The following HERC5 variants were observed in gnomAD, a reference collection of about 807,000 sequenced individuals.
The protein encoded by HERC5 is HECT and RLD domain containing E3 ubiquitin protein ligase 5, also known as E3 ISG15--protein ligase HERC5.
Under a neutral mutation model 119.6 loss-of-function variants are expected in HERC5, and 99 were observed. The observed-to-expected ratio is 0.83, with a 90% CI of 0.70 to 0.98. HERC5 has a LOEUF of 0.98. Among genes scored for constraint, HERC5 ranks in the 50% least tolerant of loss-of-function variants. The pLI is 0.00. For synonymous variants in HERC5, 478 were observed against 445.9 expected (o/e 1.07, Z -0.91); for missense variants, 1,267 against 1,241.3 (o/e 1.02, Z -0.31).
intron 15 of HERC5, among the ~76,000 whole-genome samples, chr4:88,488,456 TC>T (rs1741536840): frequency 6.6e-6 from 1 of 152,062 alleles, no homozygotes; most frequent in African/African-American, 2.4e-5. Flanking sequence ...GGTCTCAAAC[TC>T]CTGACCTCAA....
chr4:88,492,210 G>C, intron 16 of HERC5, among the ~76,000 whole-genome samples: 1 of 151,518 alleles, frequency 6.6e-6, no homozygotes, highest in Non-Finnish European at 1.5e-5. Flanking sequence ...CACCATGTTG[G>C]CCAGACTGGT....
At chr4:88,471,845 TCTTC>T (rs951737668) in intron 10 of HERC5, among the ~76,000 whole-genome samples, 23 of 152,066 alleles carry the variant, frequency 1.5e-4, no homozygotes, top group African/African-American at 4.8e-4. Context: ...CTTTTTTCTG[TCTTC>T]CTTCCTTCCT....
At chr4:88,477,835 T>C (rs1741138290) in intron 12 of HERC5, among the ~76,000 whole-genome samples, 1 of 152,248 alleles carries the variant, frequency 6.6e-6, no homozygotes, top group South Asian at 2.1e-4. Flanking sequence ...ACATGATAAG[T>C]GATGAAAAGC....
Position 88,496,760 on chromosome 4 carries a change from G to T in HERC5, c.2444+2429G>T, listed in dbSNP as rs182188138. Reference sequence around the variant, plus strand: ...TGCAGTGTACCAACAGTAAAGAAAAGATTTAATACATTTAATTGCAATAAG... The same window carrying T: ...TGCAGTGTACCAACAGTAAAGAAAATATTTAATACATTTAATTGCAATAAG... On this transcript the variant is annotated intron_variant, in intron 18 of 22. Coordinates refer to ENST00000264350, the MANE Select transcript of HERC5 (RefSeq NM_016323.4). Among the ~76,000 whole-genome samples the T allele has an allele frequency of 2.2e-4, 34 of 152,262 alleles. No homozygotes were observed. The East Asian group carries it at 6.0e-3, about 27-fold the overall frequency.
intron 12 of HERC5, 47 bp downstream of exon 12, chr4:88,476,077 A>G: frequency 6.8e-7 from 1 of 1,464,508 alleles, no homozygotes; most frequent in Non-Finnish European, 9.4e-7. Context: ...CTCAGTGGAA[A>G]GACATGTCTA....
chr4:88,480,097 T>G (rs963271685), intron 13 of HERC5, among the ~76,000 whole-genome samples: 1 of 151,196 alleles, frequency 6.6e-6, no homozygotes, highest in Non-Finnish European at 1.5e-5. Flanking sequence ...AAATAACCTG[T>G]GTGCTTTAGA....
chr4:88,494,375 A>G (rs753349675), intron 18 of HERC5, 44 bp downstream of exon 18: 2 of 1,508,352 alleles, frequency 1.3e-6, no homozygotes, highest in Non-Finnish European at 1.8e-6. Context: ...TCTAACATAT[A>G]TTTAGGCAAA....
intron 18 of HERC5, among the ~76,000 whole-genome samples, chr4:88,499,546 T>G (rs892691659): frequency 6.6e-6 from 1 of 152,222 alleles, no homozygotes; most frequent in Non-Finnish European, 1.5e-5. Context: ...ACCTGAAATT[T>G]AATATGAGAC....
chr4:88,493,235 A>G (rs1741701692), intron 17 of HERC5, 80 bp downstream of exon 17: 2 of 1,261,508 alleles, frequency 1.6e-6, no homozygotes, highest in African/African-American at 3.0e-5. Context: ...GTTTGTCTAG[A>G]CTATTTCATG....
intron 11 of HERC5, among the ~76,000 whole-genome samples, chr4:88,475,541 TCTC>T (rs1741032781): frequency 6.6e-6 from 1 of 152,028 alleles, no homozygotes; most frequent in Non-Finnish European, 1.5e-5. Flanking sequence ...ATGGTCACGA[TCTC>T]CTGACCTTGT....
chr4:88,458,769 T>C (rs1334732229), intron 1 of HERC5, among the ~76,000 whole-genome samples: 1 of 152,194 alleles, frequency 6.6e-6, no homozygotes, highest in Non-Finnish European at 1.5e-5. Context: ...GACAGTTTAA[T>C]CTCTTAACTT....
intron 16 of HERC5, among the ~76,000 whole-genome samples, chr4:88,490,747 G>C (rs1741609966): frequency 1.3e-5 from 2 of 152,146 alleles, no homozygotes; most frequent in Admixed American, 1.3e-4. Flanking sequence ...GGGAGGCTGA[G>C]GCAGTGAGAA....
intron 18 of HERC5, 72 bp from the exon 19 acceptor site, chr4:88,499,854 C>T: frequency 1.9e-6 from 2 of 1,053,364 alleles, no homozygotes; most frequent in Non-Finnish European, 3.0e-6. Flanking sequence ...ATACACTTGA[C>T]ATTTATTTTA....
In HERC5 at chr4:88,459,362, GA is replaced by G; in HGVS notation, c.287del (p.Asn96ThrfsTer2). On this transcript the variant is annotated frameshift_variant, in exon 2 of 23. Coordinates refer to ENST00000264350, the MANE Select transcript of HERC5 (RefSeq NM_016323.4). LOFTEE classifies it high-confidence loss of function. ...GARTPKCIKL[G>X]KNMKIHSVDQ... is the part of the protein sequence containing the mutation. ...TGCTCTGTAGAATGCATTAAATTAGGAAAAAACATGAAGATACATTCCGTGG... is the reference window on the plus strand; with the variant it reads ...TGCTCTGTAGAATGCATTAAATTAGGAAAAACATGAAGATACATTCCGTGG... The G allele has an allele frequency of 6.3e-7, 1 of 1,584,110 alleles. No homozygotes were observed. Among genetic ancestry groups the G allele is most frequent in the Admixed American group, 1.9e-5 (1 of 52,508 alleles).
chr4:88,488,139 A>C (rs867722850), intron 15 of HERC5, among the ~76,000 whole-genome samples: 1 of 152,002 alleles, frequency 6.6e-6, no homozygotes, highest in African/African-American at 2.4e-5. Flanking sequence ...CTTATAACCT[A>C]TTCTCTCCTG....
chr4:88,463,832 G>C (rs765951859), intron 5 of HERC5, 23 bp from the exon 6 acceptor site: 2 of 1,611,938 alleles, frequency 1.2e-6, no homozygotes, highest in South Asian at 2.2e-5. Context: ...TCTAGCATCT[G>C]ATATGACATT....
intron 17 of HERC5, among the ~76,000 whole-genome samples, chr4:88,493,898 G>C (rs1741726303): frequency 6.6e-6 from 1 of 151,274 alleles, no homozygotes. Context: ...ACAAGCGTGA[G>C]AGTGGCAGGG....
At chr4:88,491,173 CTTGCTACAAAGATTTT>C (rs1464538669) in intron 16 of HERC5, among the ~76,000 whole-genome samples, 3 of 152,226 alleles carry the variant, frequency 2.0e-5, no homozygotes, top group Admixed American at 2.0e-4. Context: ...GACACCTGGT[CTTGCTACAAAGATTTT>C]TAGTATTTCA....
In HERC5 at chr4:88,468,246, G is replaced by C. The variant is rs890394792; in HGVS notation, c.1058-100G>C. 55 of 826,160 alleles carry C rather than the reference G, an allele frequency of 6.7e-5. No individual in the cohort carries two copies. In the African/African-American group the frequency reaches 9.0e-4, roughly 13 times the overall value. The allele number at this position is 826,160 out of a possible 1,614,324, so 51.2% of individuals were successfully genotyped here. ...TAAGTTTTGTCTATTAAGAAGAAAAGATGACTACGTTTAAGAAGAATCTGA... is the reference window on the plus strand; with the variant it reads ...TAAGTTTTGTCTATTAAGAAGAAAACATGACTACGTTTAAGAAGAATCTGA... On this transcript the variant is annotated intron_variant, in intron 7 of 22. Coordinates refer to ENST00000264350, the MANE Select transcript of HERC5 (RefSeq NM_016323.4).
Sources: gnomAD v4.1 joint callset for allele counts (sites outside exome capture counted in the v4.1 genomes callset) on GRCh38, gnomAD v4.1.1 for gene constraint, MANE v1.5 for transcripts, NCBI Gene and HGNC (gene_info 2026-07-23, HGNC 2026-07-21) for gene names.